Variants in KCNH4 observed in about 807,000 individuals in gnomAD.
The protein encoded by KCNH4 is voltage-gated delayed rectifier potassium channel KCNH4.
A neutral mutation model predicts 90.7 loss-of-function variants in KCNH4; 33 were observed. The observed-to-expected ratio is 0.36, with a 90% confidence interval of 0.28 to 0.49. KCNH4 has a LOEUF of 0.49. Ranked by LOEUF, KCNH4 falls within the 20% of genes least tolerant of loss-of-function variation. KCNH4 has a pLI of 0.98. For synonymous variants in KCNH4, 551 were observed against 581.7 expected (o/e 0.95, Z 0.76); for missense variants, 1,044 against 1,387.1 (o/e 0.75, Z 3.93).
chr17:42,166,627 A>G lies in KCNH4; in HGVS notation c.1591-81T>C. ...TACAAATGTGCTGAGCTGTCTTCAA[A>G]GAGAGAATTCCTCTTGCCCTTGCTT... On this transcript the variant is annotated intron_variant, in intron 9 of 16. Coordinates refer to ENST00000264661, the MANE Select transcript of KCNH4 (RefSeq NM_012285.3). 2.6e-6 allele frequency: 4 copies of G among 1,513,844 alleles called. No individual in the cohort carries two copies. In the Middle Eastern group the frequency reaches 7.2e-4, roughly 274 times the overall value. 93.8% of individuals were successfully genotyped at this position (1,513,844 alleles called of 1,614,324 possible).
chr17:42,160,920 CTTTTTTTTTTTTTTTTT>C (rs57677761), intron 15 of KCNH4, among the ~76,000 whole-genome samples: 2 of 73,416 alleles, frequency 2.7e-5, no homozygotes, highest in Non-Finnish European at 4.8e-5. Context: ...TTTTCTTTTT[CTTTTTTTTTTTTTTTTT>C]TTTTTTTTGA....
rs1320032018 is a variant in KCNH4 at position 42,170,216 on chromosome 17, G to A, written c.1281C>T (p.Ile427=). The A allele has an allele frequency of 5.0e-6, 8 of 1,612,362 alleles. No individual in the cohort carries two copies. The highest frequency in any genetic ancestry group is 2.7e-5 in the African/African-American group (2 of 74,926). ...VGGPSRRSAY[I]AALYFTLSSL... is the part of the protein sequence containing the mutation. Reference sequence around the variant, plus strand: ...TGCTTAGAGTGAAGTACAGTGCCGCGATGTAGGCGCTGCGCCGTGATGGGC... The same window carrying A: ...TGCTTAGAGTGAAGTACAGTGCCGCAATGTAGGCGCTGCGCCGTGATGGGC... Residue 427 remains isoleucine (I), a synonymous_variant, in exon 8 of 17, where the codon ATC becomes ATT. Transcript: ENST00000264661.
chr17:42,178,425 C>T lies in KCNH4; in HGVS notation c.363G>A (p.Gly121=), dbSNP rs144892238. The T allele has an allele frequency of 5.9e-5, 96 of 1,614,218 alleles. No individual in the cohort carries two copies. The African/African-American group carries it at 7.6e-4, about 13-fold the overall frequency. ...LDMMPIKNEM[G]EVVLFLFSFK... is the part of the protein sequence containing the mutation. The stretch of plus-strand genomic sequence containing the variant: ...AGGAAAAGAGGAACAGCACGACCTC[C>T]CCCATCTCATTCTTGATGGGCATCA... Residue 121 remains glycine (G), a synonymous_variant, in exon 3 of 17, where the codon GGG becomes GGA. Transcript: ENST00000264661.
At chr17:42,171,554 C>A (rs369795986) in intron 7 of KCNH4, among the ~76,000 whole-genome samples, 1 of 152,130 alleles carries the variant, frequency 6.6e-6, no homozygotes, top group Middle Eastern at 3.2e-3. Context: ...ACTTTGATCA[C>A]TATCACTGGT....
rs986564483 is a variant in KCNH4, at chr17:42,161,952, CTT to C, written c.2658+294_2658+295del. ...ATCTAGCTAGCGTGAATATCTCTCT[CTT>C]TTTTTTTTTTTTTTTTTTCTGAGAC... On this transcript the variant is annotated intron_variant, in intron 15 of 16. Coordinates refer to ENST00000264661, the MANE Select transcript of KCNH4 (RefSeq NM_012285.3). 4.2e-4 allele frequency among the ~76,000 whole-genome samples: 51 copies of C among 122,264 alleles called. 1 individual carries two copies. Among genetic ancestry groups the C allele is most frequent in the Non-Finnish European group, 7.2e-4 (44 of 61,300 alleles). 80.2% of individuals were successfully genotyped at this position (122,264 alleles called of 152,430 possible). A position where few individuals can be genotyped will look rare whatever the true frequency, so the allele number is the denominator to read the frequency against.
chr17:42,171,671 G>A (rs1598274362), intron 7 of KCNH4, 117 bp downstream of exon 7: 2 of 949,928 alleles, frequency 2.1e-6, no homozygotes, highest in Non-Finnish European at 3.4e-6. Context: ...CTCAACGCAT[G>A]TTTGTTGGAT....
chr17:42,174,126 T>G (rs564953577), intron 6 of KCNH4, among the ~76,000 whole-genome samples: 4 of 151,918 alleles, frequency 2.6e-5, no homozygotes, highest in Non-Finnish European at 5.9e-5. Context: ...CCCGGCTAAT[T>G]TTTTGTGTTT....
Position 42,170,391 on chromosome 17 carries a change from G to C in KCNH4, c.1196-90C>G, listed in dbSNP as rs557066914. 5.4e-6 allele frequency: 6 copies of C among 1,104,190 alleles called. No homozygotes were observed. The African/African-American group carries it at 6.3e-5, about 12-fold the overall frequency. 68.4% of individuals were successfully genotyped at this position (1,104,190 alleles called of 1,614,324 possible). ...GCCACCTACGCTTGACCTTCGGCAA[G>C]TATTTATACACAGGTTGGCACAGGA... On this transcript the variant is annotated intron_variant, in intron 7 of 16. Coordinates refer to ENST00000264661, the MANE Select transcript of KCNH4 (RefSeq NM_012285.3).
At chr17:42,167,828 C>T (rs1169097170) in intron 9 of KCNH4, among the ~76,000 whole-genome samples, 1 of 152,204 alleles carries the variant, frequency 6.6e-6, no homozygotes, top group Non-Finnish European at 1.5e-5. Context: ...TCCAAGATCC[C>T]CACACCACTC....
At chr17:42,166,202 T>C (rs1029378687) in intron 10 of KCNH4, 95 bp downstream of exon 10, 15 of 1,442,344 alleles carry the variant, frequency 1.0e-5, no homozygotes, top group Admixed American at 2.2e-5. Flanking sequence ...ACGAGGGGTA[T>C]CCCATTCCCT....
intron 14 of KCNH4, 68 bp from the exon 15 acceptor site, chr17:42,162,389 ATCC>A: frequency 7.2e-7 from 1 of 1,385,302 alleles, no homozygotes; most frequent in South Asian, 1.2e-5. Flanking sequence ...TTGGGCTGGA[ATCC>A]TCCTGTCATT....
rs1209344787 is a variant in KCNH4, at chr17:42,163,047, TTATC to T, written c.2584+177_2584+180del. On this transcript the variant is annotated intron_variant, in intron 14 of 16. Coordinates refer to ENST00000264661, the MANE Select transcript of KCNH4 (RefSeq NM_012285.3). This position sits in a 1 kb window ranked among gnomAD's most constrained non-coding sequence, Gnocchi z 5.4. The stretch of plus-strand genomic sequence containing the variant: ...CATGGTATTTAGCATCTGGAATTGT[TTATC>T]TGTGTACAGAGGTGTCTCCCTGCTA... Among the ~76,000 whole-genome samples, 1 of 152,250 alleles carries T rather than the reference TTATC, an allele frequency of 6.6e-6. No individual in the cohort carries two copies. The highest frequency in any genetic ancestry group is 2.4e-5 in the African/African-American group (1 of 41,464).
intron 15 of KCNH4, among the ~76,000 whole-genome samples, chr17:42,161,047 C>T (rs1165557516): frequency 6.6e-6 from 1 of 151,166 alleles, no homozygotes; most frequent in Non-Finnish European, 1.5e-5. Flanking sequence ...CTGCCTCAGC[C>T]TCCCAAGTAG....
At chr17:42,167,269 T>C (rs2079794778) in intron 9 of KCNH4, among the ~76,000 whole-genome samples, 1 of 152,102 alleles carries the variant, frequency 6.6e-6, no homozygotes, top group African/African-American at 2.4e-5. Flanking sequence ...ACCTGATTTC[T>C]TTTTTCTTTT....
rs1301367244 is a variant in KCNH4 at position 42,172,010 on chromosome 17, C to CG, written c.988-16dup. ...ACCAGCGAGGTCTGCAGGAAGGTGGCGGGGGAGGCTGTCAGCAGGCACACC... is the reference window on the plus strand; with the variant it reads ...ACCAGCGAGGTCTGCAGGAAGGTGGCGGGGGGAGGCTGTCAGCAGGCACACC... On this transcript the variant is annotated splice_polypyrimidine_tract_variant and intron_variant, in intron 6 of 16. Coordinates refer to ENST00000264661, the MANE Select transcript of KCNH4 (RefSeq NM_012285.3). 4 of 1,569,538 alleles carry CG rather than the reference C, an allele frequency of 2.5e-6. No individual in the cohort carries two copies. The highest frequency in any genetic ancestry group is 1.9e-5 in the Admixed American group (1 of 52,762).
chr17:42,176,433 AGAAGG>A, intron 4 of KCNH4, 136 bp from the exon 5 acceptor site: 1 of 737,938 alleles, frequency 1.4e-6, no homozygotes, highest in Non-Finnish European at 2.2e-6. Context: ...GAAAGGAGAT[AGAAGG>A]CCAGGAGAGG....
intron 8 of KCNH4, 94 bp downstream of exon 8, chr17:42,170,013 C>T: frequency 7.6e-7 from 1 of 1,313,876 alleles, no homozygotes; most frequent in Non-Finnish European, 1.0e-6. Context: ...GGGTAGACAC[C>T]TCGGGCAGAT....
chr17:42,165,720 G>C, intron 10 of KCNH4, 27 bp from the exon 11 acceptor site: 1 of 1,612,896 alleles, frequency 6.2e-7, no homozygotes, highest in Non-Finnish European at 8.5e-7. Context: ...GGGACAGTCA[G>C]CTGGGGCAGT....
Position 42,171,798 on chromosome 17 carries a change from G to C in KCNH4, c.1185C>G (p.Leu395=). 1.2e-6 allele frequency: 2 copies of C among 1,614,092 alleles called. No individual in the cohort carries two copies. The highest frequency in any genetic ancestry group is 1.1e-5 in the South Asian group (1 of 91,076). ...GGGTCGGTGGCTCACCAATGTCCCA[G>C]AGCAGCGGGTCATTGGCCTCCATCT... ...RREMEANDPL[L]WDIGWLHELG... is the part of the protein sequence containing the mutation. The change falls in exon 7 of 17, where the codon CTC becomes CTG. Residue 395 remains leucine (L), a synonymous_variant. Transcript: ENST00000264661.
Sources: gnomAD v4.1 joint callset for allele counts (sites outside exome capture counted in the v4.1 genomes callset) on GRCh38, gnomAD v4.1.1 for gene constraint, Gnocchi (gnomAD v3.1) non-coding constraint, MANE v1.5 for transcripts, NCBI Gene and HGNC (gene_info 2026-07-23, HGNC 2026-07-21) for gene names.